The following ESR1 variants were observed in gnomAD, a reference collection of about 807,000 sequenced individuals.
ESR1 encodes the protein estrogen receptor.
ESR1 carries 12 observed loss-of-function variants against 52.7 expected under a neutral mutation model. The ratio of observed to expected loss-of-function variants is 0.23; its 90% CI spans 0.15 to 0.37. The LOEUF (loss-of-function observed/expected upper bound fraction) is 0.37, where lower values mean the gene tolerates loss of function less well. Among genes scored for constraint, ESR1 ranks in the 10% least tolerant of loss-of-function variants. The probability of loss-of-function intolerance (pLI) is 1.00; values close to 1 mark genes in which losing one functional copy is unlikely to be tolerated. For missense variants in ESR1, 584 were observed against 779.7 expected (o/e 0.75, Z 2.99); for synonymous variants, 305 against 316.8 (o/e 0.96, Z 0.39).
chr6:152,097,550 G>A (rs189853387), intron 7 of ESR1, among the ~76,000 whole-genome samples: 2 of 152,148 alleles, frequency 1.3e-5, no homozygotes, highest in Admixed American at 6.5e-5. Context: ...CCTTCTCTTG[G>A]TCCTGCTACT....
rs369243301 is a variant in ESR1, at chr6:152,094,357, C to G, written c.1370-28C>G. Reference sequence around the variant, plus strand: ...TAGACCTCATCCTCTTTGAGCTTCTCTCTCTCACTCTCTCTCTGCGCATTC... The same window carrying G: ...TAGACCTCATCCTCTTTGAGCTTCTGTCTCTCACTCTCTCTCTGCGCATTC... On this transcript the variant is annotated intron_variant, in intron 6 of 7. Coordinates refer to ENST00000206249, the MANE Select transcript of ESR1 (RefSeq NM_000125.4). The surrounding 1 kb of genome is among the most constrained non-coding windows in gnomAD (Gnocchi z 4.6). 28 of 1,606,832 alleles carry G rather than the reference C, an allele frequency of 1.7e-5. No individual in the cohort carries two copies. In the East Asian group the frequency reaches 6.2e-4, roughly 36 times the overall value.
rs558746029 is a variant in ESR1, at chr6:151,693,696, C to A, written c.-202+3032C>A. Among the ~76,000 whole-genome samples, 184 of 152,314 alleles carry A rather than the reference C, an allele frequency of 1.2e-3. 1 individual carries two copies. The highest frequency in any genetic ancestry group is 4.4e-3 in the African/African-American group (181 of 41,564). ...GCAGTGGTGCTTTCTCAGCTCACTGCAACCTCCGCCTCCCAGGTTCAAGCA... is the reference window on the plus strand; with the variant it reads ...GCAGTGGTGCTTTCTCAGCTCACTGAAACCTCCGCCTCCCAGGTTCAAGCA... On this transcript the variant is annotated intron_variant, in intron 1 of 2. Coordinates refer to the ESR1 transcript ENST00000404742.
At chr6:152,064,932 C>A (rs2047848615) in intron 6 of ESR1, among the ~76,000 whole-genome samples, 2 of 152,232 alleles carry the variant, frequency 1.3e-5, no homozygotes, top group South Asian at 4.2e-4. Context: ...AAAGCAAGAC[C>A]CATCTCCTTG....
At chr6:151,769,240 T>C (rs1440084377) in intron 2 of ESR1, among the ~76,000 whole-genome samples, 2 of 152,190 alleles carry the variant, frequency 1.3e-5, no homozygotes, top group Admixed American at 6.5e-5. Flanking sequence ...GAAGAAAAGA[T>C]CTAATCAAAC....
chr6:151,895,792 G>A (rs1795403638), intron 3 of ESR1, among the ~76,000 whole-genome samples: 2 of 152,036 alleles, frequency 1.3e-5, no homozygotes, highest in African/African-American at 4.8e-5. Context: ...GATTTGGTTA[G>A]CTAGTATTTC....
rs150624999 is a variant in ESR1, at chr6:151,705,531, A to G, written c.-71+3526A>G. Reference sequence around the variant, plus strand: ...AAGCCAAAAAATTGGTAAATCACACATGAATAATCAAGAACTGACTACAAT... The same window carrying G: ...AAGCCAAAAAATTGGTAAATCACACGTGAATAATCAAGAACTGACTACAAT... On this transcript the variant is annotated intron_variant, in intron 2 of 2. Transcript: ENST00000404742. 1.2e-4 allele frequency among the ~76,000 whole-genome samples: 19 copies of G among 152,346 alleles called. No homozygotes were observed. In the East Asian group the frequency reaches 3.1e-3, roughly 25 times the overall value.
At chr6:152,034,024 A>T (rs1443871435) in intron 5 of ESR1, among the ~76,000 whole-genome samples, 32 of 152,042 alleles carry the variant, frequency 2.1e-4, no homozygotes, top group Admixed American at 1.5e-3. Flanking sequence ...CATCATTGTG[A>T]GCGAACTATC....
At chr6:152,081,846 C>A (rs1013036136) in intron 6 of ESR1, among the ~76,000 whole-genome samples, 1 of 152,136 alleles carries the variant, frequency 6.6e-6, no homozygotes, top group Non-Finnish European at 1.5e-5. Context: ...ACTATAAACT[C>A]CTCTACGCAA....
At chr6:152,018,844 A>AAG (rs2043383609) in intron 5 of ESR1, among the ~76,000 whole-genome samples, 6 of 151,868 alleles carry the variant, frequency 4.0e-5, no homozygotes, top group African/African-American at 1.5e-4. Flanking sequence ...AAAAGAAAAA[A>AAG]AAAAGGAAGC....
At chr6:151,780,077 T>A (rs1786400326) in intron 2 of ESR1, among the ~76,000 whole-genome samples, 2 of 151,890 alleles carry the variant, frequency 1.3e-5, no homozygotes, top group Non-Finnish European at 2.9e-5. Context: ...CACTCACAAG[T>A]GGGTGAGTTC....
At chr6:151,771,614 G>A (rs4870053) in intron 2 of ESR1, among the ~76,000 whole-genome samples, 57,844 of 152,058 alleles carry the variant, frequency 0.38, 13,599 homozygotes, top group East Asian at 0.76. Context: ...ACAGCAAGTT[G>A]CCATGCAAAT....
intron 2 of ESR1, among the ~76,000 whole-genome samples, chr6:151,870,892 C>T (rs1418706289): frequency 6.6e-6 from 1 of 151,912 alleles, no homozygotes; most frequent in Admixed American, 6.6e-5. Context: ...CACTCTGTCC[C>T]CCAGGCTGAA....
At chr6:152,012,449 A>T (rs893697365) in intron 5 of ESR1, among the ~76,000 whole-genome samples, 1 of 152,012 alleles carries the variant, frequency 6.6e-6, no homozygotes, top group Non-Finnish European at 1.5e-5. Flanking sequence ...CTGTGATGCT[A>T]AACACTTTAC....
At chr6:152,080,706 G>T (rs2049124338) in intron 6 of ESR1, among the ~76,000 whole-genome samples, 1 of 152,214 alleles carries the variant, frequency 6.6e-6, no homozygotes. Flanking sequence ...GACACAGACT[G>T]GCAAATTGGA....
downstream of ESR1, among the ~76,000 whole-genome samples, chr6:152,105,234 G>T (rs2051049206): frequency 1.3e-5 from 2 of 152,172 alleles, no homozygotes. Flanking sequence ...GGGGTTTGTG[G>T]AAACTCCAAT....
intron 6 of ESR1, among the ~76,000 whole-genome samples, chr6:152,067,186 C>T (rs901710386): frequency 6.6e-6 from 1 of 152,058 alleles, no homozygotes; most frequent in African/African-American, 2.4e-5. Context: ...ATCTCAAGTC[C>T]CAAATGGTGT....
chr6:152,034,267 A>G (rs914975162), intron 5 of ESR1, among the ~76,000 whole-genome samples: 1 of 149,382 alleles, frequency 6.7e-6, no homozygotes, highest in Admixed American at 6.8e-5. Flanking sequence ...GTGCACATGT[A>G]CCCTAAAACT....
At chr6:152,018,605 G>A (rs895358589) in intron 5 of ESR1, among the ~76,000 whole-genome samples, 16 of 152,012 alleles carry the variant, frequency 1.1e-4, no homozygotes, top group Non-Finnish European at 2.2e-4. Context: ...GGTGGAAGGA[G>A]CAGGTTTTGG....
chr6:151,856,170 T>G (rs1787792626), intron 2 of ESR1, among the ~76,000 whole-genome samples: 1 of 152,072 alleles, frequency 6.6e-6, no homozygotes, highest in African/African-American at 2.4e-5. Flanking sequence ...GACATGGGAG[T>G]GATATTAATA....
Sources: gnomAD v4.1 joint callset for allele counts (sites outside exome capture counted in the v4.1 genomes callset) on GRCh38, gnomAD v4.1.1 for gene constraint, Gnocchi (gnomAD v3.1) non-coding constraint, MANE v1.5 for transcripts, NCBI Gene and HGNC (gene_info 2026-07-23, HGNC 2026-07-21) for gene names.